The following WDR82 variants were observed in gnomAD, a reference collection of about 807,000 sequenced individuals.
WDR82 encodes WD repeat domain 82.
A neutral mutation model predicts 36.1 loss-of-function variants in WDR82; 8 were observed. The ratio of observed to expected loss-of-function variants is 0.22; its 90% CI spans 0.13 to 0.40. The LOEUF (loss-of-function observed/expected upper bound fraction) is 0.40. WDR82 is among the 10% of genes least tolerant of loss of function. The probability of loss-of-function intolerance (pLI) is 1.00; values close to 1 mark genes in which losing one functional copy is unlikely to be tolerated. For missense variants in WDR82, 185 were observed against 400.5 expected (o/e 0.46, Z 4.59); for synonymous variants, 129 against 137.8 (o/e 0.94, Z 0.45).
chr3:52,256,463 A>C lies in WDR82; in HGVS notation c.*1027T>G, dbSNP rs1700010412. On this transcript the variant is annotated 3_prime_UTR_variant, in exon 9 of 9. Transcript: ENST00000296490. Reference sequence around the variant, plus strand: ...TCAAAGGTCATATATAAAAACGCTAAATATGACATATAACACAGGCCTAGA... The same window carrying C: ...TCAAAGGTCATATATAAAAACGCTACATATGACATATAACACAGGCCTAGA... The C allele has an allele frequency of 6.5e-6, 1 of 153,798 alleles. No individual in the cohort carries two copies. The highest frequency in any genetic ancestry group is 1.5e-5 in the Non-Finnish European group (1 of 68,068). The allele number at this position is 153,798 out of a possible 1,614,324, so 9.5% of individuals were successfully genotyped here. A position where few individuals can be genotyped will look rare whatever the true frequency, so the allele number is the denominator to read the frequency against.
intron 8 of WDR82, among the ~76,000 whole-genome samples, chr3:52,258,319 T>C (rs1700030306): frequency 6.6e-6 from 1 of 152,164 alleles, no homozygotes; most frequent in African/African-American, 2.4e-5. Flanking sequence ...AGATGATTCC[T>C]GATCACCTCT....
At chr3:52,267,187 T>C (rs922292229) in intron 2 of WDR82, 169 bp from the exon 3 acceptor site, 3 of 469,062 alleles carry the variant, frequency 6.4e-6, no homozygotes, top group Non-Finnish European at 1.1e-5. Flanking sequence ...AGAGTGGGTA[T>C]GTAGATTTCA....
At chr3:52,259,920 C>T (rs140282841) in intron 5 of WDR82, 48 bp from the exon 6 acceptor site, 2 of 1,570,586 alleles carry the variant, frequency 1.3e-6, no homozygotes, top group Middle Eastern at 1.8e-4. Flanking sequence ...ATAATTTCTT[C>T]TGCTAGAGCC....
chr3:52,259,362 T>C, intron 6 of WDR82, 96 bp from the exon 7 acceptor site: 2 of 1,233,704 alleles, frequency 1.6e-6, no homozygotes, highest in Non-Finnish European at 2.3e-6. Flanking sequence ...CACCTTCCTT[T>C]CCATGAAACC....
intron 1 of WDR82, among the ~76,000 whole-genome samples, chr3:52,272,663 A>T (rs73088784): frequency 6.6e-6 from 1 of 152,340 alleles, no homozygotes; most frequent in Non-Finnish European, 1.5e-5. Flanking sequence ...CTTTAACATA[A>T]TGTCCTACAT....
intron 6 of WDR82, 57 bp downstream of exon 6, chr3:52,259,660 T>A: frequency 6.4e-7 from 1 of 1,561,608 alleles, no homozygotes; most frequent in East Asian, 2.3e-5. Context: ...CTAACATAAT[T>A]CTTAGCATAG....
rs1351475278 is a variant in WDR82 at position 52,257,398 on chromosome 3, A to G, written c.*92T>C. 6.4e-7 allele frequency: 1 copy of G among 1,563,016 alleles called. No individual in the cohort carries two copies. Among genetic ancestry groups the G allele is most frequent in the African/African-American group, 1.4e-5 (1 of 73,920 alleles). On this transcript the variant is annotated 3_prime_UTR_variant, in exon 9 of 9. Transcript: ENST00000296490. ...TAAAAGGATGTTCTCCAGCCCAGTC[A>G]AATGATCCAATCCCACTATTATCTC... is the stretch of plus-strand genomic sequence containing the variant.
Position 52,278,130 on chromosome 3 carries a change from G to T in WDR82, c.161+71C>A, listed in dbSNP as rs1474212003. 8 of 1,402,996 alleles carry T rather than the reference G, an allele frequency of 5.7e-6. No individual in the cohort carries two copies. The African/African-American group carries it at 5.9e-5, about 10-fold the overall frequency. The allele number at this position is 1,402,996 out of a possible 1,614,324, so 86.9% of individuals were successfully genotyped here. A position where few individuals can be genotyped will look rare whatever the true frequency, so the allele number is the denominator to read the frequency against. ...GGGCTGAAGTCGGGACGGAGGGCAG[G>T]CCGAGGGACCTGTGCTGGGCCACCG... On this transcript the variant is annotated intron_variant, in intron 1 of 8. Transcript: ENST00000296490.
At chr3:52,264,691 G>A (rs1008316631) in intron 3 of WDR82, among the ~76,000 whole-genome samples, 1 of 152,052 alleles carries the variant, frequency 6.6e-6, no homozygotes, top group Non-Finnish European at 1.5e-5. Context: ...ATGGAAGCAA[G>A]CAGAAAGAGG....
rs1699999391 is a variant in WDR82, at chr3:52,255,663, A to G, written c.*1827T>C. On this transcript the variant is annotated 3_prime_UTR_variant, in exon 9 of 9. Coordinates refer to ENST00000296490, the MANE Select transcript of WDR82 (RefSeq NM_025222.4). ...AGCCTATTCCTGCCCGCTGAACAGAAATTGTGATGCCTTGATTTACCCCCT... is the reference window on the plus strand; with the variant it reads ...AGCCTATTCCTGCCCGCTGAACAGAGATTGTGATGCCTTGATTTACCCCCT... 6.6e-6 allele frequency: 1 copy of G among 152,166 alleles called. No homozygotes were observed. Among genetic ancestry groups the G allele is most frequent in the Admixed American group, 6.5e-5 (1 of 15,276 alleles). 9.4% of individuals were successfully genotyped at this position (152,166 alleles called of 1,614,324 possible). A position where few individuals can be genotyped will look rare whatever the true frequency, so the allele number is the denominator to read the frequency against.
chr3:52,277,358 G>A (rs1413546953), intron 1 of WDR82, among the ~76,000 whole-genome samples: 1 of 151,904 alleles, frequency 6.6e-6, no homozygotes, highest in Non-Finnish European at 1.5e-5. Flanking sequence ...GATGACTTGT[G>A]GCAACATAAA....
chr3:52,276,755 TA>T (rs1418219390), intron 1 of WDR82, among the ~76,000 whole-genome samples: 1 of 152,202 alleles, frequency 6.6e-6, no homozygotes, highest in Non-Finnish European at 1.5e-5. Context: ...GAAATCCATC[TA>T]CTCAATGAGT....
intron 1 of WDR82, among the ~76,000 whole-genome samples, chr3:52,273,748 A>C (rs922968534): frequency 1.3e-5 from 2 of 152,150 alleles, no homozygotes; most frequent in Admixed American, 6.5e-5. Flanking sequence ...CAGCCTCCTG[A>C]GTAGCTGGGA....
intron 1 of WDR82, among the ~76,000 whole-genome samples, chr3:52,273,245 CAG>C (rs754347744): frequency 6.6e-5 from 10 of 152,150 alleles, no homozygotes; most frequent in Non-Finnish European, 1.0e-4. Flanking sequence ...GCCTGGCTAA[CAG>C]GGTGAAATCC....
intron 6 of WDR82, 67 bp from the exon 7 acceptor site, chr3:52,259,333 A>G (rs1347254072): frequency 4.8e-6 from 7 of 1,466,038 alleles, no homozygotes; most frequent in Middle Eastern, 1.7e-4. Context: ...GCCTACAAAC[A>G]CTGACTCAGC....
intron 2 of WDR82, among the ~76,000 whole-genome samples, chr3:52,269,558 G>C (rs1267435872): frequency 4.0e-5 from 6 of 151,730 alleles, no homozygotes; most frequent in African/African-American, 1.5e-4. Flanking sequence ...GTGAAACCCT[G>C]TCTCTACTAA....
intron 4 of WDR82, 109 bp downstream of exon 4, chr3:52,261,271 T>C: frequency 2.1e-6 from 2 of 958,676 alleles, no homozygotes; most frequent in Non-Finnish European, 3.1e-6. Flanking sequence ...AAAAAGACCC[T>C]GTGATCCCAG....
intron 3 of WDR82, among the ~76,000 whole-genome samples, chr3:52,262,025 T>C (rs933183898): frequency 1.3e-5 from 2 of 152,242 alleles, no homozygotes; most frequent in Non-Finnish European, 2.9e-5. Context: ...AACTAATGGA[T>C]GGACAAACAA....
At chr3:52,268,157 T>G (rs545189454) in intron 2 of WDR82, 8 of 308,098 alleles carry the variant, frequency 2.6e-5, no homozygotes, top group South Asian at 1.8e-4. Flanking sequence ...GTTATTCTAC[T>G]GCTAACAATG....
Sources: gnomAD v4.1 joint callset for allele counts (sites outside exome capture counted in the v4.1 genomes callset) on GRCh38, gnomAD v4.1.1 for gene constraint, MANE v1.5 for transcripts, NCBI Gene and HGNC (gene_info 2026-07-23, HGNC 2026-07-21) for gene names.